Variants in KIAA1671 observed in about 807,000 individuals in gnomAD.
The protein encoded by KIAA1671 is KIAA1671, also known as uncharacterized protein KIAA1671.
KIAA1671 carries 52 observed loss-of-function variants against 131.2 expected under a neutral mutation model. That is an observed-to-expected ratio of 0.40 (90% CI 0.32 to 0.50). KIAA1671 has a LOEUF of 0.50. Ranked by LOEUF, KIAA1671 falls within the 20% of genes least tolerant of loss-of-function variation. The probability of loss-of-function intolerance (pLI) is 0.73; values close to 1 mark genes in which losing one functional copy is unlikely to be tolerated. For missense variants in KIAA1671, 2,360 were observed against 2,364.2 expected, an observed-to-expected ratio of 1.00 and a Z score of 0.04; for synonymous variants, 1,003 against 961.6, an observed-to-expected ratio of 1.04 and a Z score of -0.80.
chr22:25,029,325 C>T lies in KIAA1671; in HGVS notation c.1326C>T (p.Ser442=), dbSNP rs1459057063. 24 of 1,544,912 alleles carry T rather than the reference C, an allele frequency of 1.6e-5. No individual in the cohort carries two copies. In the East Asian group the frequency reaches 4.4e-4, roughly 28 times the overall value. Residue 442 remains serine (S), a synonymous_variant, in exon 3 of 13, where the codon AGC becomes AGT. Transcript: ENST00000358431. The stretch of plus-strand genomic sequence containing the variant: ...GGAGGAGTGTCAGGAAGTGCATCAG[C>T]CTGTTTCGGGAGGACAGCACCTTGG... ...ASRRSVRKCI[S]LFREDSTLAL...
chr22:25,053,526 C>T (rs1043941186), intron 6 of KIAA1671: 1 of 152,202 alleles, frequency 6.6e-6, no homozygotes, highest in Non-Finnish European at 1.5e-5. Flanking sequence ...AATTTTCTCC[C>T]AATCCCTGAA....
intron 4 of KIAA1671, among the ~76,000 whole-genome samples, chr22:25,033,742 C>G (rs933705095): frequency 1.3e-5 from 2 of 151,542 alleles, no homozygotes; most frequent in Non-Finnish European, 2.9e-5. Flanking sequence ...CCATGCCCGG[C>G]TTATTTCTTT....
chr22:25,047,765 G>A (rs1416880320), intron 5 of KIAA1671, among the ~76,000 whole-genome samples: 3 of 152,366 alleles, frequency 2.0e-5, no homozygotes, highest in South Asian at 2.1e-4. Flanking sequence ...GAGCTACTGC[G>A]CCTGGCCTTC....
intron 6 of KIAA1671, among the ~76,000 whole-genome samples, chr22:25,089,564 G>A (rs944005886): frequency 2.6e-5 from 4 of 152,174 alleles, no homozygotes; most frequent in Admixed American, 6.5e-5. Context: ...ATAAGCCACC[G>A]CACCCGGCCA....
At chr22:25,146,565 G>T (rs182172526) in intron 6 of KIAA1671, among the ~76,000 whole-genome samples, 1 of 152,326 alleles carries the variant, frequency 6.6e-6, no homozygotes. Flanking sequence ...CTTAGGAAGT[G>T]ACATTGAGTC....
intron 6 of KIAA1671, among the ~76,000 whole-genome samples, chr22:25,092,614 T>C (rs1242184987): frequency 6.6e-6 from 1 of 152,010 alleles, no homozygotes; most frequent in East Asian, 1.9e-4. Context: ...AGTGGGGACT[T>C]GGGTCCAGTG....
At chr22:25,091,066 A>AT (rs557471837) in intron 6 of KIAA1671, among the ~76,000 whole-genome samples, 13 of 150,844 alleles carry the variant, frequency 8.6e-5, no homozygotes, top group Non-Finnish European at 1.3e-4. Flanking sequence ...GTACTAGTCC[A>AT]TTTTTTTTTG....
intron 6 of KIAA1671, among the ~76,000 whole-genome samples, chr22:25,081,114 A>G (rs1290403265): frequency 6.6e-6 from 1 of 152,232 alleles, no homozygotes; most frequent in Non-Finnish European, 1.5e-5. Context: ...AGGGCTGGAC[A>G]TGTGGGCAAA....
chr22:25,004,705 G>A (rs1924650339), intron 1 of KIAA1671, among the ~76,000 whole-genome samples: 2 of 152,260 alleles, frequency 1.3e-5, no homozygotes, highest in Non-Finnish European at 1.5e-5. Context: ...CCAGCACTTT[G>A]GGAGGCCGAG....
intron 6 of KIAA1671, among the ~76,000 whole-genome samples, chr22:25,109,114 C>CT (rs869242613): frequency 1.2e-3 from 174 of 143,298 alleles, no homozygotes; most frequent in Middle Eastern, 3.6e-3. Flanking sequence ...ACTATCACTT[C>CT]TTTTTTTTTT....
chr22:25,161,499 G>A (rs932527896), intron 6 of KIAA1671, among the ~76,000 whole-genome samples: 1 of 152,208 alleles, frequency 6.6e-6, no homozygotes, highest in African/African-American at 2.4e-5. Flanking sequence ...TGAGGATCGC[G>A]TGGCCAAATC....
At chr22:25,135,844 T>C (rs985131059) in intron 6 of KIAA1671, among the ~76,000 whole-genome samples, 2 of 152,256 alleles carry the variant, frequency 1.3e-5, no homozygotes, top group Non-Finnish European at 2.9e-5. Context: ...TACTGATGGC[T>C]GACGTGCATT....
At chr22:24,993,932 T>A (rs1923972566) in intron 1 of KIAA1671, among the ~76,000 whole-genome samples, 1 of 152,054 alleles carries the variant, frequency 6.6e-6, no homozygotes, top group African/African-American at 2.4e-5. Flanking sequence ...TACAAAAAAA[T>A]TAGCCGGGCA....
intron 6 of KIAA1671, among the ~76,000 whole-genome samples, chr22:25,098,312 C>T (rs1336846756): frequency 2.0e-5 from 3 of 152,138 alleles, no homozygotes; most frequent in African/African-American, 7.2e-5. Context: ...TCTCTCTCCC[C>T]TTTCGTTCCC....
At chr22:25,037,077 C>T (rs1486683120) in intron 4 of KIAA1671, among the ~76,000 whole-genome samples, 1 of 152,046 alleles carries the variant, frequency 6.6e-6, no homozygotes, top group African/African-American at 2.4e-5. Flanking sequence ...AATCTCAACA[C>T]TTTGGGAGGC....
At chr22:25,114,952 G>A (rs1219996537) in intron 6 of KIAA1671, among the ~76,000 whole-genome samples, 1 of 152,166 alleles carries the variant, frequency 6.6e-6, no homozygotes, top group African/African-American at 2.4e-5. Flanking sequence ...CCTGGTTCCT[G>A]CCTCCGGCTT....
chr22:25,032,563 A>G (rs1602083509), intron 3 of KIAA1671, 46 bp from the exon 4 acceptor site: 1 of 1,287,408 alleles, frequency 7.8e-7, no homozygotes, highest in East Asian at 2.6e-5. Context: ...GCTGGGGGGA[A>G]TAACAGCTTC....
intron 6 of KIAA1671, among the ~76,000 whole-genome samples, chr22:25,143,199 T>G (rs939780565): frequency 6.6e-6 from 1 of 152,184 alleles, no homozygotes; most frequent in African/African-American, 2.4e-5. Flanking sequence ...GAGTTGCCAG[T>G]CAGCCAGGGG....
intron 1 of KIAA1671, among the ~76,000 whole-genome samples, chr22:24,996,749 G>A (rs1233880520): frequency 6.6e-6 from 1 of 152,160 alleles, no homozygotes; most frequent in African/African-American, 2.4e-5. Context: ...TGGGAGTGAG[G>A]GATTTACCAG....
Sources: allele counts gnomAD v4.1 joint callset (sites outside exome capture counted in the v4.1 genomes callset), GRCh38; gene constraint gnomAD v4.1.1; transcripts MANE v1.5; gene names NCBI Gene and HGNC (gene_info 2026-07-23, HGNC 2026-07-21).